The following RFLNA variants were observed in gnomAD, a reference collection of about 807,000 sequenced individuals.
RFLNA encodes the protein refilin A, also known as refilin-A.
Under a neutral mutation model 7.8 loss-of-function variants are expected in RFLNA, and 5 were observed. The observed-to-expected ratio is 0.64, with a 90% CI of 0.34 to 1.35. The LOEUF is 1.35. Among genes scored for constraint, RFLNA ranks in the 40% most tolerant of loss-of-function variants. The pLI is 0.04. For synonymous variants in RFLNA, 141 were observed against 131.3 expected, an observed-to-expected ratio of 1.07 and a Z score of -0.50; for missense variants, 278 against 305.5, an observed-to-expected ratio of 0.91 and a Z score of 0.67.
chr12:124,294,254 G>T (rs1160982147), upstream of RFLNA, among the ~76,000 whole-genome samples: 2 of 152,136 alleles, frequency 1.3e-5, no homozygotes, highest in African/African-American at 4.8e-5. Flanking sequence ...ACCCCTCCTG[G>T]AGTCTACCTC....
At position 124,314,454 on chromosome 12, in the gene RFLNA, T is replaced by C. The variant is rs1240708622; in HGVS notation, c.580T>C (p.Phe194Leu). Residue 194 changes from phenylalanine (F) to leucine (L), a missense_variant, in exon 3 of 3, where the codon TTC (phenylalanine) becomes CTC (leucine). By Grantham distance (22) the Phe-to-Leu change is conservative (BLOSUM62 0). Coordinates refer to ENST00000546355, the MANE Select transcript of RFLNA (RefSeq NM_001365156.1). The part of the protein sequence containing the change: ...HCSLGRPSRW[F>L]TASVQLQLCQ... Reference sequence around the variant, plus strand: ...CAGCCTGGGCCGGCCCAGCCGCTGGTTCACCGCCAGCGTGCAGCTGCAGCT... The same window carrying C: ...CAGCCTGGGCCGGCCCAGCCGCTGGCTCACCGCCAGCGTGCAGCTGCAGCT... 2 of 1,600,928 alleles carry C rather than the reference T, an allele frequency of 1.2e-6. No individual in the cohort carries two copies. The highest frequency in any genetic ancestry group is 1.1e-5 in the South Asian group (1 of 91,058).
At position 124,314,657 on chromosome 12, in the gene RFLNA, T is replaced by G; in HGVS notation, c.*132T>G. On this transcript the variant is annotated 3_prime_UTR_variant, in exon 3 of 3. Transcript: ENST00000546355. The stretch of plus-strand genomic sequence containing the variant: ...GGGAGGCTGCCAGACCAAGGACCCG[T>G]GTGGAAGGAGGCGGCTCCCCGCTGC... 1 of 1,454,272 alleles carries G rather than the reference T, an allele frequency of 6.9e-7. No homozygotes were observed. The highest frequency in any genetic ancestry group is 9.3e-7 in the Non-Finnish European group (1 of 1,073,148). The allele number at this position is 1,454,272 out of a possible 1,614,324, so 90.1% of individuals were successfully genotyped here. A position where few individuals can be genotyped will look rare whatever the true frequency, so the allele number is the denominator to read the frequency against.
intron 1 of RFLNA, among the ~76,000 whole-genome samples, chr12:124,310,192 A>AAAAG (rs2034215815): frequency 6.8e-6 from 1 of 146,880 alleles, no homozygotes; most frequent in African/African-American, 2.5e-5. Context: ...AAAAAAAAAA[A>AAAAG]AAAAGCCTTT....
chr12:124,310,158 GAGAGACT>G (rs768018912), intron 1 of RFLNA, among the ~76,000 whole-genome samples: 1,251 of 27,514 alleles, frequency 0.045, 17 homozygotes, highest in Middle Eastern at 0.35. Flanking sequence ...GGGTGACAGA[GAGAGACT>G]CTGTCTCAAA....
At chr12:124,296,603 C>CA (rs1208654949) in intron 1 of RFLNA, among the ~76,000 whole-genome samples, 1 of 151,968 alleles carries the variant, frequency 6.6e-6, no homozygotes, top group African/African-American at 2.4e-5. Flanking sequence ...ACTCACAGGG[C>CA]AAAAAAGGCC....
Position 124,295,344 on chromosome 12 carries a change from G to T in RFLNA, c.-86G>T, listed in dbSNP as rs868814084. 4.9e-5 allele frequency: 40 copies of T among 809,086 alleles called. 1 individual carries two copies. Among genetic ancestry groups the T allele is most frequent in the African/African-American group, 4.5e-4 (25 of 55,176 alleles). 50.1% of individuals were successfully genotyped at this position (809,086 alleles called of 1,614,324 possible). On this transcript the variant is annotated 5_prime_UTR_variant, in exon 1 of 3. Coordinates refer to ENST00000546355, the MANE Select transcript of RFLNA (RefSeq NM_001365156.1). ...GCAGGTCCCCGGGCGCGCAGCTCTC[G>T]CCCCGCCGCCGCCTGCCCCGGGCCC...
intron 1 of RFLNA, among the ~76,000 whole-genome samples, chr12:124,307,405 C>CA (rs2034155057): frequency 6.6e-6 from 1 of 152,186 alleles, no homozygotes; most frequent in Admixed American, 6.5e-5. Flanking sequence ...AGCCAGTGAC[C>CA]AGCAGCCTGC....
intron 1 of RFLNA, among the ~76,000 whole-genome samples, chr12:124,298,580 C>G (rs564382172): frequency 2.0e-5 from 3 of 152,354 alleles, no homozygotes; most frequent in Admixed American, 1.3e-4. Context: ...CTGTGTGTCA[C>G]GCTCTGTTTG....
intron 1 of RFLNA, among the ~76,000 whole-genome samples, chr12:124,309,728 G>A (rs1389952270): frequency 6.6e-6 from 1 of 152,208 alleles, no homozygotes; most frequent in East Asian, 1.9e-4. Context: ...AGGCTAGTCA[G>A]GCAGGAGGAT....
chr12:124,307,643 C>A (rs536409309), intron 1 of RFLNA, among the ~76,000 whole-genome samples: 1 of 152,198 alleles, frequency 6.6e-6, no homozygotes, highest in South Asian at 2.1e-4. Flanking sequence ...CGGGTGGTCT[C>A]AGCCAGCCCC....
At chr12:124,303,355 A>C (rs564444765) in intron 1 of RFLNA, among the ~76,000 whole-genome samples, 15 of 152,160 alleles carry the variant, frequency 9.9e-5, no homozygotes, top group Non-Finnish European at 2.2e-4. Flanking sequence ...TCCTGGGTGA[A>C]GCGGGTGGGG....
chr12:124,294,160 G>T (rs565583849), upstream of RFLNA, among the ~76,000 whole-genome samples: 3 of 152,338 alleles, frequency 2.0e-5, no homozygotes, highest in Non-Finnish European at 2.9e-5. Context: ...CCAAAGAGCG[G>T]ATTCTGACAC....
Position 124,295,096 on chromosome 12 carries a change from G to C in RFLNA, c.-334G>C. ...GAGGCGCGGGCCGGGGAGGTGCGGA[G>C]AGGGCCGGGCGGCAACGTGCGCCTC... On this transcript the variant is annotated 5_prime_UTR_variant, in exon 1 of 3. Transcript: ENST00000546355. 1 of 152,418 alleles carries C rather than the reference G, an allele frequency of 6.6e-6. No homozygotes were observed. The highest frequency in any genetic ancestry group is 1.9e-4 in the East Asian group (1 of 5,184). 9.4% of individuals were successfully genotyped at this position (152,418 alleles called of 1,614,324 possible).
intron 1 of RFLNA, among the ~76,000 whole-genome samples, chr12:124,302,741 A>G (rs943404076): frequency 6.7e-6 from 1 of 149,358 alleles, no homozygotes; most frequent in Non-Finnish European, 1.5e-5. Context: ...AAGTTCTGAC[A>G]GCAGCAGGGG....
intron 1 of RFLNA, among the ~76,000 whole-genome samples, chr12:124,298,785 G>C (rs2033974989): frequency 6.6e-6 from 1 of 152,252 alleles, no homozygotes; most frequent in Non-Finnish European, 1.5e-5. Flanking sequence ...GTGGTTAATA[G>C]AAACCCACAC....
upstream of RFLNA, among the ~76,000 whole-genome samples, chr12:124,290,627 AGT>A (rs770609866): frequency 2.6e-5 from 4 of 152,036 alleles, no homozygotes; most frequent in Non-Finnish European, 5.9e-5. This position sits in a 1 kb window ranked among gnomAD's most constrained non-coding sequence, Gnocchi z 4.0. Flanking sequence ...TGCATGCATA[AGT>A]GTGTGTGTGT....
At chr12:124,291,990 G>A (rs1566317925), upstream of RFLNA, among the ~76,000 whole-genome samples, 1 of 152,172 alleles carries the variant, frequency 6.6e-6, no homozygotes, top group Non-Finnish European at 1.5e-5. Flanking sequence ...TCTCCAACAC[G>A]GGACCCGCTC....
intron 1 of RFLNA, among the ~76,000 whole-genome samples, chr12:124,310,737 G>A (rs117285912): frequency 0.027 from 4,085 of 152,280 alleles, 68 homozygotes; most frequent in Non-Finnish European, 0.034. Context: ...ACAGACCAGA[G>A]AAAGAACTTC....
At chr12:124,302,763 A>G (rs1478355665) in intron 1 of RFLNA, among the ~76,000 whole-genome samples, 4 of 113,034 alleles carry the variant, frequency 3.5e-5, no homozygotes, top group African/African-American at 8.9e-5. Flanking sequence ...TCTCACCGCC[A>G]GGGAGGTCAG....
Sources: allele counts gnomAD v4.1 joint callset (sites outside exome capture counted in the v4.1 genomes callset), GRCh38; gene constraint gnomAD v4.1.1; non-coding constraint Gnocchi (gnomAD v3.1); transcripts MANE v1.5; gene names NCBI Gene and HGNC (gene_info 2026-07-23, HGNC 2026-07-21).